Variants in LPP observed in about 807,000 individuals in gnomAD.
LPP encodes the protein lipoma-preferred partner.
LPP carries 38 observed loss-of-function variants against 60.4 expected under a neutral mutation model. The ratio of observed to expected loss-of-function variants is 0.63; its 90% confidence interval spans 0.49 to 0.83. The LOEUF (loss-of-function observed/expected upper bound fraction) is 0.83. Ranked by LOEUF, LPP falls within the 40% of genes least tolerant of loss-of-function variation. The pLI, the probability that LPP is intolerant of heterozygous loss-of-function variation, is 0.00. For missense variants in LPP, 902 were observed against 783.6 expected (o/e 1.15, Z -1.80); for synonymous variants, 328 against 290.8 (o/e 1.13, Z -1.30).
chr3:188,799,996 A>G (rs1314278936), intron 9 of LPP, among the ~76,000 whole-genome samples: 1 of 152,166 alleles, frequency 6.6e-6, no homozygotes, highest in Non-Finnish European at 1.5e-5. Context: ...CACACACAGT[A>G]GTACACACAT....
intron 7 of LPP, among the ~76,000 whole-genome samples, chr3:188,678,624 A>T (rs1858676146): frequency 6.6e-6 from 1 of 152,218 alleles, no homozygotes; most frequent in Non-Finnish European, 1.5e-5. Context: ...TGAATACAGC[A>T]TACTTACATA....
rs1282569486 is a variant in LPP at position 188,609,050 on chromosome 3, TAATA to T, written c.430-105_430-102del. On this transcript the variant is annotated intron_variant, in intron 6 of 11. Transcript: ENST00000617246. This position sits in a 1 kb window ranked among gnomAD's most constrained non-coding sequence, Gnocchi z 6.9. ...TATGCCTTATTTGTGTTCTACATAG[TAATA>T]AATAATAATTAGCAGTTATTAATAT... 3.7e-6 allele frequency: 3 copies of T among 808,942 alleles called. No individual in the cohort carries two copies. In the Admixed American group the frequency reaches 8.6e-5, roughly 23 times the overall value. 50.1% of individuals were successfully genotyped at this position (808,942 alleles called of 1,614,324 possible). A position where few individuals can be genotyped will look rare whatever the true frequency, so the allele number is the denominator to read the frequency against.
At chr3:188,397,889 C>T (rs1578599384) in intron 3 of LPP, among the ~76,000 whole-genome samples, 1 of 152,150 alleles carries the variant, frequency 6.6e-6, no homozygotes, top group Non-Finnish European at 1.5e-5. Context: ...GCTGGGATTA[C>T]AGGTCTGAGC....
chr3:188,765,349 G>T (rs1407026336), intron 9 of LPP, among the ~76,000 whole-genome samples: 1 of 144,560 alleles, frequency 6.9e-6, no homozygotes, highest in Non-Finnish European at 1.5e-5. Context: ...CTTTCTTCTT[G>T]CTGTTACATC....
intron 3 of LPP, among the ~76,000 whole-genome samples, chr3:188,387,012 G>A (rs1462853062): frequency 1.3e-5 from 2 of 152,008 alleles, no homozygotes; most frequent in Admixed American, 6.5e-5. Context: ...TCCCATTTCT[G>A]CTTGTGACTT....
rs147445086 is a variant in LPP, at chr3:188,246,685, A to T, written c.-67+21158A>T. Among the ~76,000 whole-genome samples, 917 of 152,304 alleles carry T rather than the reference A, an allele frequency of 6.0e-3. 3 individuals carry two copies. The highest frequency in any genetic ancestry group is 0.014 in the Middle Eastern group (4 of 294). On this transcript the variant is annotated intron_variant, in intron 2 of 11. Transcript: ENST00000617246. ...GCACTGAATACACCCACATTTTCCT[A>T]CCATCTGACATAGATGAGACACAAA...
intron 3 of LPP, among the ~76,000 whole-genome samples, chr3:188,394,128 C>T (rs561759234): frequency 4.3e-4 from 65 of 152,184 alleles, no homozygotes; most frequent in African/African-American, 1.5e-3. Context: ...GTTATAAAGT[C>T]GTAAGGCTAC....
intron 4 of LPP, among the ~76,000 whole-genome samples, chr3:188,439,385 C>T (rs1242866911): frequency 6.6e-6 from 1 of 152,222 alleles, no homozygotes; most frequent in African/African-American, 2.4e-5. Flanking sequence ...CTAGAAAATA[C>T]AGCTTTTGTA....
At chr3:188,330,803 G>A (rs1445581796) in intron 2 of LPP, among the ~76,000 whole-genome samples, 1 of 152,106 alleles carries the variant, frequency 6.6e-6, no homozygotes, top group East Asian at 1.9e-4. Context: ...GCAACAGAGG[G>A]AGATACTGCC....
chr3:188,848,806 A>G (rs1165823059), intron 9 of LPP, among the ~76,000 whole-genome samples: 1 of 152,076 alleles, frequency 6.6e-6, no homozygotes, highest in East Asian at 1.9e-4. Flanking sequence ...TCTCTACTAA[A>G]AGTACAAAAA....
At chr3:188,368,199 C>G (rs764829012) in intron 3 of LPP, among the ~76,000 whole-genome samples, 9 of 152,178 alleles carry the variant, frequency 5.9e-5, no homozygotes, top group Non-Finnish European at 1.2e-4. Flanking sequence ...GAGAGTTGTT[C>G]CTGAAAATAG....
At chr3:188,388,988 T>A (rs1779027057) in intron 3 of LPP, among the ~76,000 whole-genome samples, 1 of 152,236 alleles carries the variant, frequency 6.6e-6, no homozygotes, top group Non-Finnish European at 1.5e-5. Flanking sequence ...ATTGTGAATG[T>A]TAATTTCCTG....
intron 8 of LPP, among the ~76,000 whole-genome samples, chr3:188,746,181 TC>T (rs1418632064): frequency 1.3e-5 from 2 of 152,184 alleles, no homozygotes; most frequent in Non-Finnish European, 2.9e-5. Flanking sequence ...CACTCCCTAG[TC>T]ACCTGTCAGC....
intron 3 of LPP, among the ~76,000 whole-genome samples, chr3:188,348,698 A>G (rs1765044955): frequency 6.6e-6 from 1 of 152,240 alleles, no homozygotes; most frequent in Non-Finnish European, 1.5e-5. Context: ...ATCATACTCT[A>G]GAACTTCTGA....
At chr3:188,259,524 T>C (rs759852442) in intron 2 of LPP, among the ~76,000 whole-genome samples, 1 of 152,236 alleles carries the variant, frequency 6.6e-6, no homozygotes, top group Non-Finnish European at 1.5e-5. Context: ...CAGGAACACT[T>C]GTAGAACTTC....
At chr3:188,509,671 TTC>T (rs1560497358) in intron 5 of LPP, among the ~76,000 whole-genome samples, 8,772 of 56,440 alleles carry the variant, frequency 0.16, 798 homozygotes, top group East Asian at 0.25. Flanking sequence ...CCTTCCTTCC[TTC>T]CTTCCTTCCT....
intron 1 of LPP, among the ~76,000 whole-genome samples, chr3:188,212,152 C>T (rs1711529143): frequency 1.3e-5 from 2 of 152,266 alleles, no homozygotes; most frequent in Admixed American, 1.3e-4. Context: ...AGCCACTGTG[C>T]CCGGCCGAGA....
chr3:188,677,274 A>G (rs1046519469), intron 7 of LPP, among the ~76,000 whole-genome samples: 1 of 152,188 alleles, frequency 6.6e-6, no homozygotes, highest in Admixed American at 6.5e-5. Context: ...AGCTAATACA[A>G]TTATGTTACT....
intron 2 of LPP, among the ~76,000 whole-genome samples, chr3:188,251,861 C>T (rs1032142092): frequency 6.6e-5 from 10 of 151,414 alleles, no homozygotes. Flanking sequence ...TCCTTCCCAT[C>T]CTAGTTTGTT....
Sources: gnomAD v4.1 joint callset for allele counts (sites outside exome capture counted in the v4.1 genomes callset) on GRCh38, gnomAD v4.1.1 for gene constraint, Gnocchi (gnomAD v3.1) non-coding constraint, MANE v1.5 for transcripts, NCBI Gene and HGNC (gene_info 2026-07-23, HGNC 2026-07-21) for gene names.